GCC2: variants seen among roughly 807,000 people sequenced by gnomAD.
GCC2 encodes the protein GRIP and coiled-coil domain containing 2, also known as GRIP and coiled-coil domain-containing protein 2.
A neutral mutation model predicts 210.6 loss-of-function variants in GCC2; 120 were observed. The ratio of observed to expected loss-of-function variants is 0.57; its 90% CI spans 0.49 to 0.66. The LOEUF (loss-of-function observed/expected upper bound fraction) is 0.66, where lower values mean the gene tolerates loss of function less well. Ranked by LOEUF, GCC2 falls within the 30% of genes least tolerant of loss-of-function variation. GCC2 has a pLI of 0.00. For synonymous variants in GCC2, 703 were observed against 652.7 expected (o/e 1.08, Z -1.17); for missense variants, 1,868 against 1,871.9 (o/e 1.00, Z 0.04).
intron 22 of GCC2, 85 bp from the exon 23 acceptor site, chr2:108,507,475 C>G: frequency 9.4e-7 from 1 of 1,067,214 alleles, no homozygotes; most frequent in Non-Finnish European, 1.3e-6. Context: ...TAGAGTGATT[C>G]TAAAATATAG....
chr2:108,506,947 T>G (rs1252087215), intron 22 of GCC2, among the ~76,000 whole-genome samples: 4 of 152,340 alleles, frequency 2.6e-5, no homozygotes, highest in South Asian at 2.1e-4. Context: ...TAGCTGGATT[T>G]CTTTAATAAA....
At chr2:108,464,260 A>G (rs886365147) in intron 4 of GCC2, among the ~76,000 whole-genome samples, 3 of 152,184 alleles carry the variant, frequency 2.0e-5, no homozygotes, top group Admixed American at 2.0e-4. Context: ...CAGCAGCTGC[A>G]GGCAGTGGAA....
intron 11 of GCC2, among the ~76,000 whole-genome samples, 161 bp from the exon 12 acceptor site, chr2:108,482,901 C>G (rs1681942433): frequency 6.6e-6 from 1 of 152,092 alleles, no homozygotes; most frequent in South Asian, 2.1e-4. Context: ...AGGATGGTCT[C>G]AATCTCCTGA....
chr2:108,503,046 G>A (rs955492993), intron 22 of GCC2, among the ~76,000 whole-genome samples: 1 of 152,022 alleles, frequency 6.6e-6, no homozygotes, highest in Admixed American at 6.6e-5. Context: ...ACTAATTGAA[G>A]TTCTAAAAGG....
rs945140997 is a variant in GCC2, at chr2:108,466,537, A to G, written c.217-2443A>G. ...ACCCAGGCTGGAGTGCAATGGGGCG[A>G]TCCCAGCTTATTGCAAGCTCCATCT... On this transcript the variant is annotated intron_variant, in intron 4 of 22. Coordinates refer to ENST00000309863, the MANE Select transcript of GCC2 (RefSeq NM_181453.4). Among the ~76,000 whole-genome samples, 4 of 151,884 alleles carry G rather than the reference A, an allele frequency of 2.6e-5. No homozygotes were observed. The East Asian group carries it at 7.8e-4, about 29-fold the overall frequency.
rs1330130693 is a variant in GCC2 at position 108,495,451 on chromosome 2, A to G, written c.4608A>G (p.Leu1536=). The G allele has an allele frequency of 2.5e-6, 4 of 1,593,584 alleles. No homozygotes were observed. Among genetic ancestry groups the G allele is most frequent in the Non-Finnish European group, 3.4e-6 (4 of 1,178,514 alleles). The change falls in exon 20 of 23, where the codon TTA becomes TTG. Residue 1536 remains leucine (L), a synonymous_variant. Coordinates refer to ENST00000309863, the MANE Select transcript of GCC2 (RefSeq NM_181453.4). ...CCGCCAGCACATACACACAGTCTTTAGAGCAGCTGCTTAACTCTCCCGAAA... is the reference window on the plus strand; with the variant it reads ...CCGCCAGCACATACACACAGTCTTTGGAGCAGCTGCTTAACTCTCCCGAAA... The part of the protein sequence containing the change: ...VSSASTYTQS[L]EQLLNSPETK...
At chr2:108,487,320 GATCTCTTATCAGAAAATA>G (rs2104487819) in intron 16 of GCC2, among the ~76,000 whole-genome samples, 1 of 152,280 alleles carries the variant, frequency 6.6e-6, no homozygotes, top group East Asian at 1.9e-4. Flanking sequence ...GGTAGAAACA[GATCTCTTATCAGAAAATA>G]TGTATTATTG....
chr2:108,476,284 TC>T (rs1443100159), intron 9 of GCC2, among the ~76,000 whole-genome samples: 1 of 152,038 alleles, frequency 6.6e-6, no homozygotes, highest in Admixed American at 6.6e-5. Context: ...GGTCTTGAAC[TC>T]CTGACCTCGT....
chr2:108,454,647 C>T lies in GCC2; in HGVS notation c.216+2181C>T, dbSNP rs569654771. Reference sequence around the variant, plus strand: ...TGAGTCAGGCTTTCAAATCCTTGTTCATCTACTGATCAGCTGTGTGACCTT... The same window carrying T: ...TGAGTCAGGCTTTCAAATCCTTGTTTATCTACTGATCAGCTGTGTGACCTT... On this transcript the variant is annotated intron_variant, in intron 4 of 22. Coordinates refer to ENST00000309863, the MANE Select transcript of GCC2 (RefSeq NM_181453.4). 2.6e-5 allele frequency among the ~76,000 whole-genome samples: 4 copies of T among 152,302 alleles called. No individual in the cohort carries two copies. In the East Asian group the frequency reaches 7.7e-4, roughly 29 times the overall value.
Position 108,492,740 on chromosome 2 carries a change from C to T in GCC2, c.4397C>T (p.Ser1466Phe). ...KTVETLQQQL[S>F]KMEAQLFQLK... ...GTGGAGACATTACAGCAGCAGCTCTCCAAGATGGAAGCACAGCTCTTCCAG... is the reference window on the plus strand; with the variant it reads ...GTGGAGACATTACAGCAGCAGCTCTTCAAGATGGAAGCACAGCTCTTCCAG... The change falls in exon 19 of 23, where the codon TCC (serine) becomes TTC (phenylalanine). Residue 1466 changes from serine (S) to phenylalanine (F), a missense_variant. Ser to Phe is a radical substitution (Grantham distance 155, BLOSUM62 -2). Around this residue, in one of 3 missense-constraint regions of GCC2, gnomAD observed 1,847 missense variants for 1,765.2 expected, o/e 1.05. Coordinates refer to ENST00000309863, the MANE Select transcript of GCC2 (RefSeq NM_181453.4). 6.2e-7 allele frequency: 1 copy of T among 1,614,028 alleles called. No individual in the cohort carries two copies. Among genetic ancestry groups the T allele is most frequent in the Non-Finnish European group, 8.5e-7 (1 of 1,179,922 alleles).
chr2:108,487,371 G>T (rs1387446030), intron 16 of GCC2, among the ~76,000 whole-genome samples: 1 of 152,052 alleles, frequency 6.6e-6, no homozygotes, highest in East Asian at 1.9e-4. Flanking sequence ...AAAGTGTAAG[G>T]CCTCCCAACA....
intron 13 of GCC2, among the ~76,000 whole-genome samples, 187 bp from the exon 14 acceptor site, chr2:108,485,449 C>T (rs547055739): frequency 1.3e-5 from 2 of 152,072 alleles, no homozygotes; most frequent in South Asian, 2.1e-4. Flanking sequence ...TTGTTACAGC[C>T]GGGAGTTGGG....
At chr2:108,489,514 CAA>C (rs776052483) in intron 17 of GCC2, among the ~76,000 whole-genome samples, 4 of 136,498 alleles carry the variant, frequency 2.9e-5, no homozygotes, top group Non-Finnish European at 3.2e-5. Flanking sequence ...GACTCCATCT[CAA>C]AAAAAAAAAA....
intron 22 of GCC2, among the ~76,000 whole-genome samples, chr2:108,503,497 T>C (rs1683031397): frequency 6.6e-6 from 1 of 152,162 alleles, no homozygotes; most frequent in South Asian, 2.1e-4. Context: ...CTTACCACCA[T>C]ATTACAGATA....
rs779791241 is a variant in GCC2, at chr2:108,471,513, AAAG to A, written c.2187_2189del (p.Lys730del). Reference sequence around the variant, plus strand: ...TTAAAGAACATATTACTCAATTAGAAAAGAAACTTCAGTTAATGGTTGAAGAGC... The same window carrying A: ...TTAAAGAACATATTACTCAATTAGAAAAACTTCAGTTAATGGTTGAAGAGC... On this transcript the variant is annotated inframe_deletion, in exon 6 of 23. Coordinates refer to ENST00000309863, the MANE Select transcript of GCC2 (RefSeq NM_181453.4). 8.1e-6 allele frequency: 13 copies of A among 1,606,158 alleles called. No homozygotes were observed. In the East Asian group the frequency reaches 2.9e-4, roughly 36 times the overall value.
chr2:108,465,931 C>G (rs1680858342), intron 4 of GCC2, among the ~76,000 whole-genome samples: 1 of 152,090 alleles, frequency 6.6e-6, no homozygotes, highest in Admixed American at 6.6e-5. Context: ...CTCGGCTCAC[C>G]GCAACCTCTG....
At chr2:108,475,974 C>A in intron 9 of GCC2, 124 bp downstream of exon 9, 1 of 502,588 alleles carries the variant, frequency 2.0e-6, no homozygotes, top group Non-Finnish European at 3.5e-6. Context: ...TTTAGTAAAT[C>A]TTTATTCTGT....
At chr2:108,507,155 G>A (rs539582086) in intron 22 of GCC2, among the ~76,000 whole-genome samples, 1 of 152,112 alleles carries the variant, frequency 6.6e-6, no homozygotes, top group Non-Finnish European at 1.5e-5. Flanking sequence ...AACAATGTGA[G>A]GCTGAAGTGG....
At chr2:108,497,842 A>G (rs1345619653) in intron 21 of GCC2, among the ~76,000 whole-genome samples, 3 of 152,202 alleles carry the variant, frequency 2.0e-5, no homozygotes, top group Admixed American at 6.5e-5. Flanking sequence ...TACGTTATTT[A>G]ATCTCATCAC....
Sources: allele counts gnomAD v4.1 joint callset (sites outside exome capture counted in the v4.1 genomes callset), GRCh38; gene constraint gnomAD v4.1.1; regional missense constraint gnomAD v4.1.1; transcripts MANE v1.5; gene names NCBI Gene and HGNC (gene_info 2026-07-23, HGNC 2026-07-21).